GABRA5: variants seen among roughly 807,000 people sequenced by gnomAD.
GABRA5 encodes gamma-aminobutyric acid receptor subunit alpha-5.
GABRA5 carries 18 observed loss-of-function variants against 47.3 expected under a neutral mutation model. That is an observed-to-expected ratio of 0.38 (90% CI 0.26 to 0.56). The LOEUF (loss-of-function observed/expected upper bound fraction) is 0.56, where lower values mean the gene tolerates loss of function less well. Among genes scored for constraint, GABRA5 ranks in the 20% least tolerant of loss-of-function variants. The pLI is 0.71. For synonymous variants in GABRA5, 237 were observed against 229.3 expected (o/e 1.03, Z -0.30); for missense variants, 365 against 599.3 (o/e 0.61, Z 4.08).
intron 4 of GABRA5, among the ~76,000 whole-genome samples, chr15:26,882,775 G>T (rs1003282249): frequency 1.3e-5 from 2 of 152,092 alleles, no homozygotes; most frequent in African/African-American, 4.8e-5. Flanking sequence ...GCTTTTTAAA[G>T]CCCCTCTCTG....
intron 10 of GABRA5, among the ~76,000 whole-genome samples, chr15:26,945,667 A>T (rs949117710): frequency 2.6e-5 from 4 of 152,132 alleles, no homozygotes; most frequent in African/African-American, 7.2e-5. Context: ...GCCCTCTGCA[A>T]CTCAGGCTGC....
chr15:26,911,483 C>T (rs1405556732), intron 6 of GABRA5, among the ~76,000 whole-genome samples: 2 of 151,982 alleles, frequency 1.3e-5, no homozygotes, highest in Non-Finnish European at 2.9e-5. Flanking sequence ...ATTGTCAGTG[C>T]AGTAATTTTC....
chr15:26,914,591 G>A (rs1247130625), intron 6 of GABRA5, among the ~76,000 whole-genome samples: 3 of 152,192 alleles, frequency 2.0e-5, no homozygotes, highest in African/African-American at 2.4e-5. Flanking sequence ...CTAAGCCACC[G>A]AAGTGCTGAG....
At chr15:26,868,855 CGTTT>C (rs2140239064) in intron 2 of GABRA5, 62 bp downstream of exon 2, 1 of 173,398 alleles carries the variant, frequency 5.8e-6, no homozygotes, top group Admixed American at 5.6e-5. Context: ...ATAACTACAG[CGTTT>C]ATTTTAATAA....
At chr15:26,874,157 A>T (rs929722290) in intron 3 of GABRA5, among the ~76,000 whole-genome samples, 2 of 152,176 alleles carry the variant, frequency 1.3e-5, no homozygotes, top group Non-Finnish European at 2.9e-5. Flanking sequence ...TAAGATGCTC[A>T]TTTTAATTAA....
intron 9 of GABRA5, 97 bp from the exon 10 acceptor site, chr15:26,943,117 CT>C (rs1894423686): frequency 1.3e-6 from 1 of 779,814 alleles, no homozygotes; most frequent in Non-Finnish European, 2.0e-6. Context: ...GACTAGTCCC[CT>C]TTGTGTCTAT....
rs1179416996 is a variant in GABRA5 at position 26,867,638 on chromosome 15, G to T, written c.-140+527G>T. On this transcript the variant is annotated intron_variant, in intron 1 of 10. Transcript: ENST00000335625. The surrounding 1 kb of genome is among the most constrained non-coding windows in gnomAD (Gnocchi z 5.9). Reference sequence around the variant, plus strand: ...CCGGGCGGCTCATCCCTGCCGGACGGGGCACCAGGGCGCGGTGACCGGTTG... The same window carrying T: ...CCGGGCGGCTCATCCCTGCCGGACGTGGCACCAGGGCGCGGTGACCGGTTG... Among the ~76,000 whole-genome samples, 2 of 152,030 alleles carry T rather than the reference G, an allele frequency of 1.3e-5. No individual in the cohort carries two copies. The highest frequency in any genetic ancestry group is 2.9e-5 in the Non-Finnish European group (2 of 67,980).
chr15:26,878,626 C>A (rs1051839692), intron 3 of GABRA5, among the ~76,000 whole-genome samples: 3 of 152,108 alleles, frequency 2.0e-5, no homozygotes, highest in Non-Finnish European at 4.4e-5. Context: ...GACAACACTG[C>A]AAATCCCCAG....
At position 26,883,151 on chromosome 15, in the gene GABRA5, GTGTC is replaced by G. The variant is rs1226763349; in HGVS notation, c.209-9_209-6del. On this transcript the variant is annotated splice_polypyrimidine_tract_variant and intron_variant, in intron 4 of 10. Coordinates refer to ENST00000335625, the MANE Select transcript of GABRA5 (RefSeq NM_000810.4). The surrounding 1 kb of genome is among the most constrained non-coding windows in gnomAD (Gnocchi z 4.8). Reference sequence around the variant, plus strand: ...GTGGGTCGGTGCAGCCCAGGGACCTGTGTCTGTCTTTCAGAGCGCATCACTCAGG... The same window carrying G: ...GTGGGTCGGTGCAGCCCAGGGACCTGTGTCTTTCAGAGCGCATCACTCAGG... 5 of 1,612,442 alleles carry G rather than the reference GTGTC, an allele frequency of 3.1e-6. No homozygotes were observed. The African/African-American group carries it at 6.7e-5, about 22-fold the overall frequency.
chr15:26,887,290 A>G (rs1441712077), intron 6 of GABRA5, among the ~76,000 whole-genome samples: 1 of 152,190 alleles, frequency 6.6e-6, no homozygotes, highest in East Asian at 1.9e-4. Flanking sequence ...ACGACAAAAT[A>G]TGAAAGTGTA....
chr15:26,874,900 T>C (rs2140245877), intron 3 of GABRA5, among the ~76,000 whole-genome samples: 1 of 152,340 alleles, frequency 6.6e-6, no homozygotes, highest in South Asian at 2.1e-4. Context: ...CGCTGGTGAA[T>C]ATTTAGGATG....
In GABRA5 at chr15:26,869,341, T is replaced by A; in HGVS notation, c.86+7T>A. ...ACTTATCCAGTCACTTTGGGTAAGT[T>A]ACCATCTGTGCTTTTATTTTATGAT... is the stretch of plus-strand genomic sequence containing the variant. On this transcript the variant is annotated splice_region_variant and intron_variant, in intron 3 of 10. Coordinates refer to ENST00000335625, the MANE Select transcript of GABRA5 (RefSeq NM_000810.4). 6.4e-7 allele frequency: 1 copy of A among 1,551,476 alleles called. No homozygotes were observed. The highest frequency in any genetic ancestry group is 2.2e-5 in the East Asian group (1 of 44,570).
chr15:26,874,317 A>AT (rs67317843), intron 3 of GABRA5, among the ~76,000 whole-genome samples: 33 of 126,796 alleles, frequency 2.6e-4, no homozygotes, highest in South Asian at 8.1e-4. Context: ...TTCACAATGC[A>AT]TTTTTTTTTT....
intron 4 of GABRA5, among the ~76,000 whole-genome samples, 160 bp downstream of exon 4, chr15:26,881,127 C>T (rs567143677): frequency 1.1e-4 from 17 of 152,172 alleles, no homozygotes; most frequent in Admixed American, 3.9e-4. Context: ...ATCATGCACC[C>T]TTTGTTATTG....
intron 3 of GABRA5, among the ~76,000 whole-genome samples, chr15:26,874,315 G>A (rs561314289): frequency 4.7e-5 from 6 of 127,228 alleles, no homozygotes; most frequent in South Asian, 2.6e-4. Context: ...TATTCACAAT[G>A]CATTTTTTTT....
At position 26,943,291 on chromosome 15, in the gene GABRA5, C is replaced by G; in HGVS notation, c.954C>G (p.Thr318=). 6.3e-7 allele frequency: 1 copy of G among 1,577,080 alleles called. No homozygotes were observed. The highest frequency in any genetic ancestry group is 8.6e-7 in the Non-Finnish European group (1 of 1,161,616). ...RNSLPKVAYA[T]AMDWFIAVCY... is the part of the protein sequence containing the mutation. The stretch of plus-strand genomic sequence containing the variant: ...CTCTGCCCAAAGTGGCCTACGCCAC[C>G]GCCATGGACTGGTTCATAGCCGTGT... The change falls in exon 10 of 11, where the codon ACC becomes ACG. Residue 318 remains threonine, a synonymous_variant. Coordinates refer to ENST00000335625, the MANE Select transcript of GABRA5 (RefSeq NM_000810.4).
At chr15:26,885,269 A>G (rs1566867030) in intron 6 of GABRA5, among the ~76,000 whole-genome samples, 1 of 150,346 alleles carries the variant, frequency 6.7e-6, no homozygotes, top group Non-Finnish European at 1.5e-5. Flanking sequence ...ACTGCACTCC[A>G]GCCTGGGCAA....
At chr15:26,908,193 T>A (rs1448645876) in intron 6 of GABRA5, among the ~76,000 whole-genome samples, 1 of 152,194 alleles carries the variant, frequency 6.6e-6, no homozygotes, top group African/African-American at 2.4e-5. Context: ...TTGCTAATCT[T>A]GATTTGAGTC....
chr15:26,898,673 A>G (rs1041826196), intron 6 of GABRA5, among the ~76,000 whole-genome samples: 6 of 149,996 alleles, frequency 4.0e-5, no homozygotes, highest in Non-Finnish European at 8.9e-5. Context: ...TCTTATCTCC[A>G]TTTCATTTAC....
Sources: gnomAD v4.1 joint callset for allele counts (sites outside exome capture counted in the v4.1 genomes callset) on GRCh38, gnomAD v4.1.1 for gene constraint, Gnocchi (gnomAD v3.1) non-coding constraint, MANE v1.5 for transcripts, NCBI Gene and HGNC (gene_info 2026-07-23, HGNC 2026-07-21) for gene names.